MARCO: variants seen among roughly 807,000 people sequenced by gnomAD.
MARCO encodes the protein macrophage receptor MARCO.
Under a neutral mutation model 70.0 loss-of-function variants are expected in MARCO, and 72 were observed. The ratio of observed to expected loss-of-function variants is 1.03; its 90% CI spans 0.85 to 1.25. The LOEUF (loss-of-function observed/expected upper bound fraction) is 1.25. Among genes scored for constraint, MARCO ranks in the 50% most tolerant of loss-of-function variants. MARCO has a pLI of 0.00. For synonymous variants in MARCO, 273 were observed against 243.1 expected, an observed-to-expected ratio of 1.12 and a Z score of -1.14; for missense variants, 696 against 659.3, an observed-to-expected ratio of 1.06 and a Z score of -0.61.
At chr2:118,971,193 A>G (rs1171700588) in intron 3 of MARCO, among the ~76,000 whole-genome samples, 1 of 152,046 alleles carries the variant, frequency 6.6e-6, no homozygotes, top group Non-Finnish European at 1.5e-5. Context: ...TTTGACCAAT[A>G]CGAAGGGGTT....
At chr2:118,981,678 GCATCATCCCAGCTACGAC>G in intron 10 of MARCO, 22 bp downstream of exon 10, 1 of 1,611,866 alleles carries the variant, frequency 6.2e-7, no homozygotes, top group Non-Finnish European at 8.5e-7. Flanking sequence ...AGGAATCTGG[GCATCATCCCAGCTACGAC>G]TGTCCCTGGC....
chr2:118,971,145 G>A (rs561745138), intron 3 of MARCO, among the ~76,000 whole-genome samples: 46 of 152,278 alleles, frequency 3.0e-4, no homozygotes, highest in Non-Finnish European at 5.4e-4. Flanking sequence ...GACACCATGG[G>A]AGTGTCTCTT....
chr2:118,960,530 G>T (rs1463791137), intron 1 of MARCO, among the ~76,000 whole-genome samples: 1 of 152,010 alleles, frequency 6.6e-6, no homozygotes, highest in Non-Finnish European at 1.5e-5. Context: ...ACTATGAATT[G>T]GATTTTGGCA....
At chr2:118,959,515 G>A (rs914002894) in intron 1 of MARCO, among the ~76,000 whole-genome samples, 12 of 152,090 alleles carry the variant, frequency 7.9e-5, no homozygotes, top group African/African-American at 2.7e-4. Flanking sequence ...GGTGATCAGG[G>A]AACACTTCTA....
intron 13 of MARCO, among the ~76,000 whole-genome samples, chr2:118,991,331 T>G (rs1479375589): frequency 6.6e-6 from 1 of 151,434 alleles, no homozygotes; most frequent in Non-Finnish European, 1.5e-5. Flanking sequence ...CAGGACAGGA[T>G]AGCTCACTGT....
intron 3 of MARCO, 64 bp from the exon 4 acceptor site, chr2:118,971,435 C>A: frequency 6.5e-7 from 1 of 1,527,640 alleles, no homozygotes; most frequent in Non-Finnish European, 9.1e-7. Context: ...TGGGCACTCT[C>A]AGTTGGGGCT....
At position 118,990,569 on chromosome 2, in the gene MARCO, C is replaced by CGGGGTGGTGTTTT; in HGVS notation, c.1064-20_1064-19insGGGGTGGTGTTTT. 1 of 1,415,986 alleles carries CGGGGTGGTGTTTT rather than the reference C, an allele frequency of 7.1e-7. No homozygotes were observed. Among genetic ancestry groups the CGGGGTGGTGTTTT allele is most frequent in the Non-Finnish European group, 9.7e-7 (1 of 1,028,340 alleles). 87.7% of individuals were successfully genotyped at this position (1,415,986 alleles called of 1,614,324 possible). On this transcript the variant is annotated intron_variant, in intron 12 of 16. Transcript: ENST00000327097. ...AGTTTTATTATCTCCTCCCCCCCCC[C>CGGGGTGGTGTTTT]TTTTTTGTTTTGATCTTAGGACTTC...
intron 1 of MARCO, among the ~76,000 whole-genome samples, chr2:118,951,813 GTC>G (rs965280332): frequency 6.6e-6 from 1 of 151,762 alleles, no homozygotes; most frequent in Admixed American, 6.6e-5. Flanking sequence ...CCTTGACTCT[GTC>G]TCTCTCTCTC....
At chr2:118,982,064 T>A (rs1680402727) in intron 10 of MARCO, 92 bp from the exon 11 acceptor site, 3 of 815,758 alleles carry the variant, frequency 3.7e-6, no homozygotes, top group Non-Finnish European at 6.0e-6. Context: ...AAGAGGTACA[T>A]GTCTCACTGC....
intron 4 of MARCO, 55 bp downstream of exon 4, chr2:118,971,589 A>AGGGC: frequency 1.3e-6 from 2 of 1,588,534 alleles, no homozygotes; most frequent in South Asian, 2.2e-5. Flanking sequence ...CCTCCCCAAA[A>AGGGC]GGGCCCCTTG....
chr2:118,968,188 A>G (rs1034640371), intron 1 of MARCO, among the ~76,000 whole-genome samples: 2 of 152,162 alleles, frequency 1.3e-5, no homozygotes, highest in African/African-American at 4.8e-5. Context: ...CCCTCCCTTT[A>G]ATACCCCTAA....
chr2:118,944,429 G>C (rs753443262), intron 1 of MARCO, among the ~76,000 whole-genome samples: 1 of 152,102 alleles, frequency 6.6e-6, no homozygotes, highest in African/African-American at 2.4e-5. Flanking sequence ...ACCCCTCAGG[G>C]CCGGCTCTGC....
chr2:118,971,973 G>A lies in MARCO; in HGVS notation c.460+439G>A, dbSNP rs58296893. On this transcript the variant is annotated intron_variant, in intron 4 of 16. Coordinates refer to ENST00000327097, the MANE Select transcript of MARCO (RefSeq NM_006770.4). ...AGGGCAGTAATGATGGGAGGCAGGT[G>A]TCATGGAGGCGCAGGCTGTGCGGTC... Among the ~76,000 whole-genome samples, 1,310 of 152,352 alleles carry A rather than the reference G, an allele frequency of 8.6e-3. 17 individuals are homozygous for A. The highest frequency in any genetic ancestry group is 0.03 in the African/African-American group (1,238 of 41,588).
chr2:118,988,159 G>A (rs540842004), intron 12 of MARCO, among the ~76,000 whole-genome samples: 15 of 152,280 alleles, frequency 9.9e-5, no homozygotes, highest in South Asian at 2.1e-4. Flanking sequence ...AGTGCCTGGC[G>A]TGATGCAGGC....
chr2:118,971,086 G>A (rs1197493651), intron 3 of MARCO, among the ~76,000 whole-genome samples: 1 of 152,224 alleles, frequency 6.6e-6, no homozygotes, highest in African/African-American at 2.4e-5. Flanking sequence ...GGGGGTGTGA[G>A]GAGGGGCGAT....
rs780134774 is a variant in MARCO, at chr2:118,993,196, C to T, written c.1325C>T (p.Thr442Ile). The change falls in exon 16 of 17, where the codon ACC (threonine) becomes ATC (isoleucine). Residue 442 changes from threonine to isoleucine, a missense_variant. Coordinates refer to ENST00000327097, the MANE Select transcript of MARCO (RefSeq NM_006770.4). ...RGRAEVYYSGTWGTICDDEWQ... is the reference protein window; with the variant it reads ...RGRAEVYYSGIWGTICDDEWQ... ...CGGGCTGAAGTTTACTACAGTGGTA[C>T]CTGGGGGACAATTTGCGATGACGAG... 1.2e-6 allele frequency: 2 copies of T among 1,614,032 alleles called. No homozygotes were observed. Among genetic ancestry groups the T allele is most frequent in the African/African-American group, 2.7e-5 (2 of 74,920 alleles).
chr2:118,976,552 C>T (rs945497458), intron 6 of MARCO, among the ~76,000 whole-genome samples: 1 of 152,110 alleles, frequency 6.6e-6, no homozygotes, highest in Non-Finnish European at 1.5e-5. Context: ...CAGGAACACC[C>T]AGCACCTCCA....
intron 12 of MARCO, among the ~76,000 whole-genome samples, chr2:118,984,856 T>C (rs1472660700): frequency 1.6e-4 from 25 of 152,198 alleles, no homozygotes; most frequent in Admixed American, 1.4e-3. Flanking sequence ...TGGCCAGTGT[T>C]GATATATCAA....
rs543503900 is a variant in MARCO at position 118,954,068 on chromosome 2, C to A, written c.97+11671C>A. ...TTGAACAGGGTGAGAAGCCTCCTGA[C>A]CAGAACTCAGGGGAGGGTGCGAATC... On this transcript the variant is annotated intron_variant, in intron 1 of 16. Coordinates refer to ENST00000327097, the MANE Select transcript of MARCO (RefSeq NM_006770.4). Among the ~76,000 whole-genome samples, 106 of 152,328 alleles carry A rather than the reference C, an allele frequency of 7.0e-4. 1 individual carries two copies. The highest frequency in any genetic ancestry group is 4.6e-3 in the South Asian group (22 of 4,828).
Sources: gnomAD v4.1 joint callset for allele counts (sites outside exome capture counted in the v4.1 genomes callset) on GRCh38, gnomAD v4.1.1 for gene constraint, MANE v1.5 for transcripts, NCBI Gene and HGNC (gene_info 2026-07-23, HGNC 2026-07-21) for gene names.